Variants in RHOT1 observed in about 807,000 individuals in gnomAD.
The protein encoded by RHOT1 is ras homolog family member T1.
Under a neutral mutation model 95.3 loss-of-function variants are expected in RHOT1, and 27 were observed. That is an observed-to-expected ratio of 0.28 (90% CI 0.21 to 0.39). The LOEUF (loss-of-function observed/expected upper bound fraction) is 0.39, where lower values mean the gene tolerates loss of function less well. Among genes scored for constraint, RHOT1 ranks in the 10% least tolerant of loss-of-function variants. RHOT1 has a pLI of 1.00. For synonymous variants in RHOT1, 227 were observed against 263.5 expected (o/e 0.86, Z 1.34); for missense variants, 578 against 786.7 (o/e 0.73, Z 3.17).
chr17:32,200,092 A>G (rs1318516950), intron 13 of RHOT1, among the ~76,000 whole-genome samples: 2 of 151,872 alleles, frequency 1.3e-5, no homozygotes, highest in Non-Finnish European at 2.9e-5. Context: ...CACATTGTGG[A>G]CATTTTTCTG....
intron 8 of RHOT1, among the ~76,000 whole-genome samples, chr17:32,183,708 T>C (rs375009662): frequency 1.3e-5 from 2 of 152,344 alleles, no homozygotes; most frequent in African/African-American, 4.8e-5. Flanking sequence ...AGACAGAATC[T>C]TGCTCTGTCA....
intron 1 of RHOT1, among the ~76,000 whole-genome samples, chr17:32,154,285 T>TAAAAAAAAAAAAAAAAAAA (rs539073195): frequency 8.0e-6 from 1 of 124,816 alleles, no homozygotes; most frequent in African/African-American, 3.1e-5. Flanking sequence ...TACGAGAAAT[T>TAAAAAAAAAAAAAAAAAAA]AAAAAAAAAA....
intron 11 of RHOT1, among the ~76,000 whole-genome samples, chr17:32,194,950 C>G (rs2036764283): frequency 6.6e-6 from 1 of 151,622 alleles, no homozygotes; most frequent in Non-Finnish European, 1.5e-5. Context: ...CTCAGCTTCC[C>G]AAGTAGCTGG....
rs536362626 is a variant in RHOT1, at chr17:32,190,424, C to T, written c.541-1777C>T. On this transcript the variant is annotated intron_variant, in intron 8 of 19. Coordinates refer to ENST00000545287, the MANE Select transcript of RHOT1 (RefSeq NM_001033566.3). ...GAGCCAAGATCGCACAACTGCACTC[C>T]AGCCTAGGCGACAGAGCAAGATTCT... Among the ~76,000 whole-genome samples, 7 of 151,976 alleles carry T rather than the reference C, an allele frequency of 4.6e-5. No homozygotes were observed. The South Asian group carries it at 1.5e-3, about 32-fold the overall frequency.
chr17:32,177,828 CTTT>C (rs1200853876), intron 6 of RHOT1, among the ~76,000 whole-genome samples: 1 of 137,410 alleles, frequency 7.3e-6, no homozygotes, highest in Admixed American at 7.3e-5. Flanking sequence ...TTTCTTTCTT[CTTT>C]TTTTTTTTTT....
At chr17:32,219,219 T>C (rs1423354642) in intron 19 of RHOT1, among the ~76,000 whole-genome samples, 1 of 152,224 alleles carries the variant, frequency 6.6e-6, no homozygotes, top group East Asian at 1.9e-4. Context: ...TTTTGCTTCT[T>C]TTCAGTATTT....
At chr17:32,161,270 G>A (rs1427269953) in intron 1 of RHOT1, among the ~76,000 whole-genome samples, 1 of 152,176 alleles carries the variant, frequency 6.6e-6, no homozygotes, top group Admixed American at 6.5e-5. Context: ...AACGTTCCTC[G>A]TGCTCAGTCA....
chr17:32,142,782 C>T (rs2030556964), intron 1 of RHOT1, 53 bp downstream of exon 1: 2 of 1,434,100 alleles, frequency 1.4e-6, no homozygotes, highest in East Asian at 5.0e-5. Context: ...CCTGCCCCTG[C>T]AGCCCCTGTC....
rs1249227037 is a variant in RHOT1 at position 32,193,120 on chromosome 17, T to C, written c.640-16T>C. 1 of 1,500,098 alleles carries C rather than the reference T, an allele frequency of 6.7e-7. No individual in the cohort carries two copies. The highest frequency in any genetic ancestry group is 1.8e-5 in the Admixed American group (1 of 56,480). The allele number at this position is 1,500,098 out of a possible 1,614,324, so 92.9% of individuals were successfully genotyped here. A position where few individuals can be genotyped will look rare whatever the true frequency, so the allele number is the denominator to read the frequency against. ...CGCTGGTTTGTTTTTAAATATATTT[T>C]TATGTTTTTTGCTAGAGGATTTGTT... is the stretch of plus-strand genomic sequence containing the variant. On this transcript the variant is annotated splice_polypyrimidine_tract_variant and intron_variant, in intron 9 of 19. Transcript: ENST00000545287.
chr17:32,209,221 T>C, intron 18 of RHOT1: 1 of 466,386 alleles, frequency 2.1e-6, no homozygotes, highest in Non-Finnish European at 3.7e-6. Flanking sequence ...CTAATACTTT[T>C]TTTAGATGCA....
chr17:32,188,881 G>A (rs1191341179), intron 8 of RHOT1, among the ~76,000 whole-genome samples: 3 of 152,142 alleles, frequency 2.0e-5, no homozygotes, highest in African/African-American at 7.2e-5. Flanking sequence ...CCTTAATCTG[G>A]TGCTAGTTTA....
Position 32,205,593 on chromosome 17 carries a change from A to G in RHOT1, c.1417-1317A>G, listed in dbSNP as rs141355552. 1.7e-3 allele frequency among the ~76,000 whole-genome samples: 257 copies of G among 152,284 alleles called. 1 individual carries two copies. The highest frequency in any genetic ancestry group is 0.01 in the Middle Eastern group (3 of 294). On this transcript the variant is annotated intron_variant, in intron 16 of 19. Transcript: ENST00000545287. ...AAGGAGCAATAAAATCAAACAAACA[A>G]TAAAAAAAGTACAAAAGAAGAGCTG...
rs766175886 is a variant in RHOT1, at chr17:32,224,710, A to G, written c.1957A>G (p.Lys653Glu). 1 of 1,609,710 alleles carries G rather than the reference A, an allele frequency of 6.2e-7. No homozygotes were observed. Among genetic ancestry groups the G allele is most frequent in the Admixed American group, 1.7e-5 (1 of 59,912 alleles). Residue 653 changes from lysine to glutamate, a missense_variant, in exon 20 of 20, where the codon AAA becomes GAA. Physicochemically the swap from Lys to Glu is moderately conservative, Grantham distance 56. This residue lies in a region of RHOT1 where 296 missense variants were observed against 338.5 expected (regional missense o/e 0.87). Transcript: ENST00000545287. ...VFAVLGFAMY[K>E]ALLKQR ...TGCAGTTTTGGGCTTTGCTATGTACAAAGCATTATTGAAACAGCGATGATA... is the reference window on the plus strand; with the variant it reads ...TGCAGTTTTGGGCTTTGCTATGTACGAAGCATTATTGAAACAGCGATGATA...
At chr17:32,154,565 C>T (rs1460951742) in intron 1 of RHOT1, among the ~76,000 whole-genome samples, 5 of 133,440 alleles carry the variant, frequency 3.7e-5, no homozygotes, top group African/African-American at 5.8e-5. Flanking sequence ...CCAGCCTGGG[C>T]GACAGAGCAA....
At chr17:32,143,915 G>A (rs1005180752) in intron 1 of RHOT1, among the ~76,000 whole-genome samples, 1 of 152,154 alleles carries the variant, frequency 6.6e-6, no homozygotes, top group African/African-American at 2.4e-5. Context: ...TGTTCTTTGA[G>A]TTCATTGAAA....
chr17:32,205,348 C>T (rs894467327), intron 16 of RHOT1, among the ~76,000 whole-genome samples: 2 of 152,114 alleles, frequency 1.3e-5, no homozygotes, highest in African/African-American at 4.8e-5. Context: ...AGGACATGAA[C>T]TCATTCTTTA....
At chr17:32,210,642 A>T (rs1473749329) in intron 18 of RHOT1, among the ~76,000 whole-genome samples, 1 of 152,120 alleles carries the variant, frequency 6.6e-6, no homozygotes, top group Non-Finnish European at 1.5e-5. Context: ...ACTCATTTGT[A>T]TATTTATCAT....
chr17:32,200,036 G>A (rs993943697), intron 13 of RHOT1, among the ~76,000 whole-genome samples: 10 of 150,450 alleles, frequency 6.6e-5, no homozygotes, highest in South Asian at 2.1e-4. Context: ...CTGCCTCCTG[G>A]GTTCAAGCCA....
intron 8 of RHOT1, among the ~76,000 whole-genome samples, chr17:32,186,294 G>C (rs2036045388): frequency 6.6e-6 from 1 of 151,438 alleles, no homozygotes; most frequent in Non-Finnish European, 1.5e-5. Flanking sequence ...ATGATGTTGT[G>C]TAATTTTTCA....
Sources: allele counts gnomAD v4.1 joint callset (sites outside exome capture counted in the v4.1 genomes callset), GRCh38; gene constraint gnomAD v4.1.1; regional missense constraint gnomAD v4.1.1; transcripts MANE v1.5; gene names NCBI Gene and HGNC (gene_info 2026-07-23, HGNC 2026-07-21).